Variants in GALNT13 observed in about 807,000 individuals in gnomAD.
GALNT13 encodes polypeptide N-acetylgalactosaminyltransferase 13, also known as UDP-GalNAc:polypeptide N-acetylgalactosaminyltransferase 13.
GALNT13 carries 28 observed loss-of-function variants against 64.2 expected under a neutral mutation model. That is an observed-to-expected ratio of 0.44 (90% CI 0.32 to 0.60). The LOEUF (loss-of-function observed/expected upper bound fraction) is 0.60, where lower values mean the gene tolerates loss of function less well. Among genes scored for constraint, GALNT13 ranks in the 20% least tolerant of loss-of-function variants. The probability of loss-of-function intolerance (pLI) is 0.05; values close to 1 mark genes in which losing one functional copy is unlikely to be tolerated. For missense variants in GALNT13, 577 were observed against 669.8 expected (o/e 0.86, Z 1.53); for synonymous variants, 214 against 224.6 (o/e 0.95, Z 0.42).
chr2:153,698,784 A>G, the GALNT13 span, among the ~76,000 whole-genome samples: 1 of 152,236 alleles, frequency 6.6e-6, no homozygotes, highest in East Asian at 1.9e-4. Flanking sequence ...CAGAATATAC[A>G]TTCTTCTCAG....
At chr2:153,288,534 G>C in the GALNT13 span, among the ~76,000 whole-genome samples, 1 of 152,174 alleles carries the variant, frequency 6.6e-6, no homozygotes, top group East Asian at 1.9e-4. Flanking sequence ...TGCTGAGCCT[G>C]TTCGCTCTGT....
At chr2:153,244,302 C>T in the GALNT13 span, among the ~76,000 whole-genome samples, 1 of 151,888 alleles carries the variant, frequency 6.6e-6, no homozygotes, top group Non-Finnish European at 1.5e-5. Context: ...GTGTTTTAAA[C>T]CTTTGATATC....
intron 8 of GALNT13, among the ~76,000 whole-genome samples, chr2:154,295,459 G>A (rs377202681): frequency 1.7e-4 from 26 of 151,704 alleles, no homozygotes; most frequent in African/African-American, 5.8e-4. Context: ...TGCCTCCCGG[G>A]TTCAAGTGAT....
intron 4 of GALNT13, among the ~76,000 whole-genome samples, chr2:154,168,038 T>C (rs1685132967): frequency 6.6e-6 from 1 of 152,150 alleles, no homozygotes; most frequent in African/African-American, 2.4e-5. Context: ...AGAAAGCAGT[T>C]TGCCCTTCGG....
In GALNT13 at chr2:154,396,111, G is replaced by A. The variant is rs113979307; in HGVS notation, c.1277G>A (p.Arg426His). Reference protein sequence around the residue: ...NIYPDSQIPRRYYSLGEIRNV... With the variant: ...NIYPDSQIPRHYYSLGEIRNV... The stretch of plus-strand genomic sequence containing the variant: ...TATCCGGACTCCCAGATCCCAAGAC[G>A]TTATTACTCACTTGGTGAGGTATGA... Residue 426 changes from arginine (R) to histidine (H), a missense_variant, in exon 10 of 13, where the codon CGT becomes CAT. Coordinates refer to ENST00000392825, the MANE Select transcript of GALNT13 (RefSeq NM_052917.4). 1.4e-4 allele frequency: 222 copies of A among 1,602,446 alleles called. No homozygotes were observed. Among genetic ancestry groups the A allele is most frequent in the Admixed American group, 5.2e-4 (30 of 58,102 alleles).
At chr2:153,492,951 A>T in the GALNT13 span, among the ~76,000 whole-genome samples, 1 of 152,186 alleles carries the variant, frequency 6.6e-6, no homozygotes, top group Non-Finnish European at 1.5e-5. Flanking sequence ...TTCATGGGTC[A>T]AACGGAAAAA....
chr2:154,048,974 A>G (rs1487957825), intron 3 of GALNT13, among the ~76,000 whole-genome samples: 1 of 139,738 alleles, frequency 7.2e-6, no homozygotes, highest in African/African-American at 2.8e-5. Context: ...ATGTGGATGT[A>G]TATTATCTTT....
the GALNT13 span, among the ~76,000 whole-genome samples, chr2:153,345,709 CT>C: frequency 6.2e-3 from 719 of 115,724 alleles, 18 homozygotes; most frequent in Admixed American, 0.023. Context: ...CTTTCTCTTT[CT>C]CTCTTTCTGT....
intron 3 of GALNT13, among the ~76,000 whole-genome samples, chr2:153,961,306 C>G (rs1692926773): frequency 6.6e-6 from 1 of 152,086 alleles, no homozygotes; most frequent in Non-Finnish European, 1.5e-5. Context: ...GAGAGAGACT[C>G]TATGAAATTA....
the GALNT13 span, among the ~76,000 whole-genome samples, chr2:153,308,730 G>A: frequency 6.6e-6 from 1 of 152,186 alleles, no homozygotes; most frequent in East Asian, 1.9e-4. Flanking sequence ...AGAAGCAGAG[G>A]GGAACGCCGA....
chr2:154,146,265 T>C (rs962207212), intron 4 of GALNT13, among the ~76,000 whole-genome samples: 1 of 151,898 alleles, frequency 6.6e-6, no homozygotes, highest in Non-Finnish European at 1.5e-5. Context: ...ACTGTAAGTT[T>C]CCTTTCAAAT....
the GALNT13 span, among the ~76,000 whole-genome samples, chr2:153,545,535 C>A: frequency 1.3e-5 from 2 of 152,188 alleles, no homozygotes; most frequent in African/African-American, 4.8e-5. Flanking sequence ...TGTACCCTGG[C>A]TGCTTCTACA....
chr2:154,070,683 C>T (rs1040032328), intron 3 of GALNT13, among the ~76,000 whole-genome samples: 13 of 151,928 alleles, frequency 8.6e-5, no homozygotes, highest in Middle Eastern at 3.4e-3. Flanking sequence ...TTTGGGAGGC[C>T]GAGGCAGGCA....
At chr2:153,173,913 AG>A in the GALNT13 span, among the ~76,000 whole-genome samples, 1 of 152,258 alleles carries the variant, frequency 6.6e-6, no homozygotes, top group Admixed American at 6.5e-5. Flanking sequence ...AAAATACAAT[AG>A]TGGGACCAGC....
chr2:153,367,587 A>C, the GALNT13 span, among the ~76,000 whole-genome samples: 2 of 152,142 alleles, frequency 1.3e-5, no homozygotes, highest in Admixed American at 6.6e-5. Flanking sequence ...AAGCTGAAAA[A>C]GGCCAGGAAA....
At chr2:153,497,209 T>C in the GALNT13 span, among the ~76,000 whole-genome samples, 1 of 152,094 alleles carries the variant, frequency 6.6e-6, no homozygotes, top group East Asian at 1.9e-4. Flanking sequence ...AACACCTATT[T>C]ACATCTCACG....
chr2:153,431,158 A>C, the GALNT13 span, among the ~76,000 whole-genome samples: 6,122 of 152,082 alleles, frequency 0.04, 141 homozygotes, highest in Middle Eastern at 0.068. Context: ...AAAAAAAAAA[A>C]AAAACAAAAA....
the GALNT13 span, among the ~76,000 whole-genome samples, chr2:153,413,140 G>A: frequency 6.6e-6 from 1 of 152,086 alleles, no homozygotes; most frequent in African/African-American, 2.4e-5. Flanking sequence ...GTGACCTTCT[G>A]TTTAAGGACA....
At chr2:153,872,795 C>T (rs993595384) in intron 1 of GALNT13, among the ~76,000 whole-genome samples, 2 of 152,128 alleles carry the variant, frequency 1.3e-5, no homozygotes, top group Non-Finnish European at 2.9e-5. Context: ...TCTTGGGTGT[C>T]TTCCTCGACG....
Sources: gnomAD v4.1 joint callset for allele counts (sites outside exome capture counted in the v4.1 genomes callset) on GRCh38, gnomAD v4.1.1 for gene constraint, MANE v1.5 for transcripts, NCBI Gene and HGNC (gene_info 2026-07-23, HGNC 2026-07-21) for gene names.